The following MED15 variants were observed in gnomAD, a reference collection of about 807,000 sequenced individuals.
MED15 encodes the protein mediator of RNA polymerase II transcription subunit 15.
MED15 carries 41 observed loss-of-function variants against 118.7 expected under a neutral mutation model. The ratio of observed to expected loss-of-function variants is 0.35; its 90% CI spans 0.27 to 0.45. MED15 has a LOEUF of 0.45. Among genes scored for constraint, MED15 ranks in the 20% least tolerant of loss-of-function variants. MED15 has a pLI of 1.00. For synonymous variants in MED15, 436 were observed against 413.9 expected (o/e 1.05, Z -0.65); for missense variants, 740 against 1,025.5 (o/e 0.72, Z 3.80).
At chr22:20,509,906 TA>T (rs1299868240) in intron 1 of MED15, among the ~76,000 whole-genome samples, 7 of 151,680 alleles carry the variant, frequency 4.6e-5, no homozygotes, top group African/African-American at 1.7e-4. Context: ...AAAATGGGGG[TA>T]GGGGAAGTGT....
chr22:20,551,351 C>T, intron 2 of MED15, 85 bp from the exon 3 acceptor site: 2 of 1,263,474 alleles, frequency 1.6e-6, no homozygotes, highest in Non-Finnish European at 2.3e-6. Context: ...CAGCTCGGTG[C>T]CAGCAGGCGA....
chr22:20,585,358 C>G, intron 16 of MED15, 91 bp downstream of exon 16: 1 of 1,502,874 alleles, frequency 6.7e-7, no homozygotes, highest in South Asian at 1.2e-5. Context: ...GGCACAGCGC[C>G]CAGAACCCAC....
At chr22:20,516,028 A>C (rs2054244327) in intron 1 of MED15, among the ~76,000 whole-genome samples, 1 of 151,490 alleles carries the variant, frequency 6.6e-6, no homozygotes, top group Admixed American at 6.6e-5. Flanking sequence ...TTAAAAATAA[A>C]TAAGTAGGTT....
At chr22:20,542,919 C>G (rs2055366580) in intron 2 of MED15, among the ~76,000 whole-genome samples, 1 of 152,138 alleles carries the variant, frequency 6.6e-6, no homozygotes, top group Non-Finnish European at 1.5e-5. Flanking sequence ...TGTTTAATCT[C>G]TTTGGCACTA....
chr22:20,564,481 G>A lies in MED15; in HGVS notation c.483G>A (p.Gln161=). 6.2e-7 allele frequency: 1 copy of A among 1,612,492 alleles called. No homozygotes were observed. The highest frequency in any genetic ancestry group is 2.2e-5 in the East Asian group (1 of 44,846). ...TQLQLQQVAL[Q]QQQQQQQFQQ... ...TGCAGCTCCAGCAGGTGGCGCTGCA[G>A]CAGCAGCAGCAACAGCAGCAGTTCC... The change falls in exon 6 of 18, where the codon CAG becomes CAA. Residue 161 remains glutamine (Q), a synonymous_variant. Coordinates refer to ENST00000263205, the MANE Select transcript of MED15 (RefSeq NM_001003891.3).
chr22:20,561,290 T>G (rs1250737168), intron 5 of MED15, among the ~76,000 whole-genome samples: 1 of 152,030 alleles, frequency 6.6e-6, no homozygotes, highest in African/African-American at 2.4e-5. Context: ...GGAGGCTCAG[T>G]CAGGCAGATC....
intron 9 of MED15, among the ~76,000 whole-genome samples, chr22:20,576,988 A>G (rs138229130): frequency 5.9e-5 from 9 of 152,294 alleles, no homozygotes; most frequent in African/African-American, 2.2e-4. Context: ...ATAAACACAA[A>G]AAGTCCCCAA....
chr22:20,523,285 A>G (rs891510035), intron 1 of MED15, among the ~76,000 whole-genome samples: 1 of 152,078 alleles, frequency 6.6e-6, no homozygotes, highest in Admixed American at 6.6e-5. Context: ...CTCACAGCCC[A>G]GGTTCACATG....
At chr22:20,563,424 T>C (rs2056317278) in intron 5 of MED15, among the ~76,000 whole-genome samples, 2 of 152,236 alleles carry the variant, frequency 1.3e-5, no homozygotes, top group African/African-American at 4.8e-5. Flanking sequence ...AGGTTCATAC[T>C]GTATGGTTCC....
intron 9 of MED15, among the ~76,000 whole-genome samples, chr22:20,581,570 G>C (rs377530697): frequency 1.3e-5 from 2 of 152,236 alleles, no homozygotes; most frequent in East Asian, 3.9e-4. Flanking sequence ...CTAGGGTGTG[G>C]GAAATGTAGC....
At chr22:20,528,460 G>T (rs2054737787) in intron 1 of MED15, among the ~76,000 whole-genome samples, 1 of 152,198 alleles carries the variant, frequency 6.6e-6, no homozygotes, top group Admixed American at 6.6e-5. Context: ...ACAGTTTACA[G>T]TGGGGTTCGT....
intron 14 of MED15, 108 bp downstream of exon 14, chr22:20,584,533 C>G: frequency 1.5e-6 from 2 of 1,326,778 alleles, no homozygotes; most frequent in Non-Finnish European, 2.2e-6. Context: ...GGGGGCCGGG[C>G]CTGACCTTGG....
chr22:20,572,888 A>G (rs568015230), intron 8 of MED15, among the ~76,000 whole-genome samples: 2 of 152,234 alleles, frequency 1.3e-5, no homozygotes, highest in South Asian at 4.1e-4. Flanking sequence ...TGACAGCATT[A>G]CACTCTAGCC....
chr22:20,565,180 C>T (rs181498779), intron 6 of MED15, among the ~76,000 whole-genome samples: 37 of 152,292 alleles, frequency 2.4e-4, no homozygotes, highest in Non-Finnish European at 3.2e-4. Flanking sequence ...GAGAAACAGG[C>T]CCTGACTCAC....
At chr22:20,521,988 C>A (rs8140155) in intron 1 of MED15, 6,260 of 152,252 alleles carry the variant, frequency 0.041, 199 homozygotes, top group Middle Eastern at 0.071. Context: ...GCCTTGGCCT[C>A]CCAAAATACT....
intron 1 of MED15, among the ~76,000 whole-genome samples, chr22:20,525,194 G>A (rs2054589339): frequency 6.6e-6 from 1 of 152,126 alleles, no homozygotes; most frequent in African/African-American, 2.4e-5. Flanking sequence ...GGGAGACTGA[G>A]GAGGGAGGAT....
intron 5 of MED15, among the ~76,000 whole-genome samples, chr22:20,559,120 C>T (rs933159684): frequency 2.0e-5 from 3 of 152,042 alleles, no homozygotes; most frequent in Non-Finnish European, 4.4e-5. Context: ...TGCACCACTG[C>T]ACTCCAGCCT....
At chr22:20,525,021 C>G (rs971624357) in intron 1 of MED15, among the ~76,000 whole-genome samples, 2 of 152,138 alleles carry the variant, frequency 1.3e-5, no homozygotes, top group African/African-American at 2.4e-5. Context: ...TGAAAGTGGT[C>G]TGGGCGCAGT....
rs2057073941 is a variant in MED15, at chr22:20,584,413, T to C, written c.1791T>C (p.Asn597=). Residue 597 remains asparagine (N), a synonymous_variant, in exon 14 of 18, where the codon AAT becomes AAC. Transcript: ENST00000263205. Reference sequence around the variant, plus strand: ...AGATCGCCCTGGAGAAACTCAAGAATGACATGGCGGTGGTGAGTGGGATGC... The same window carrying C: ...AGATCGCCCTGGAGAAACTCAAGAACGACATGGCGGTGGTGAGTGGGATGC... ...KCEIALEKLK[N]DMAVPTPPPP... is the part of the protein sequence containing the mutation. 6.2e-7 allele frequency: 1 copy of C among 1,613,722 alleles called. No individual in the cohort carries two copies. Among genetic ancestry groups the C allele is most frequent in the East Asian group, 2.2e-5 (1 of 44,874 alleles).
Sources: allele counts gnomAD v4.1 joint callset (sites outside exome capture counted in the v4.1 genomes callset), GRCh38; gene constraint gnomAD v4.1.1; transcripts MANE v1.5; gene names NCBI Gene and HGNC (gene_info 2026-07-23, HGNC 2026-07-21).